Variants in SYCP2 observed in about 807,000 individuals in gnomAD.
SYCP2 encodes synaptonemal complex protein 2, also known as synaptonemal complex lateral element protein.
SYCP2 carries 55 observed loss-of-function variants against 211.3 expected under a neutral mutation model. The ratio of observed to expected loss-of-function variants is 0.26; its 90% confidence interval spans 0.21 to 0.33. The LOEUF is 0.33. SYCP2 is among the 10% of genes least tolerant of loss of function. The pLI is 1.00. For missense variants in SYCP2, 1,731 were observed against 1,752.0 expected (o/e 0.99, Z 0.21); for synonymous variants, 570 against 555.2 (o/e 1.03, Z -0.37).
chr20:59,929,570 A>C (rs373735302), intron 2 of SYCP2, among the ~76,000 whole-genome samples: 4 of 152,178 alleles, frequency 2.6e-5, no homozygotes, highest in African/African-American at 7.2e-5. Flanking sequence ...GAATATAATG[A>C]AGAAGATCTG....
At chr20:59,879,840 T>C (rs867640893) in intron 31 of SYCP2, among the ~76,000 whole-genome samples, 1 of 123,788 alleles carries the variant, frequency 8.1e-6, no homozygotes, top group African/African-American at 3.9e-5. Context: ...TATATATATA[T>C]ATATATATAT....
rs1366507034 is a variant in SYCP2, at chr20:59,895,451, C to G, written c.1651G>C (p.Asp551His). 1 of 1,601,794 alleles carries G rather than the reference C, an allele frequency of 6.2e-7. No individual in the cohort carries two copies. The highest frequency in any genetic ancestry group is 8.5e-7 in the Non-Finnish European group (1 of 1,175,934). ...SRSSEGRHRRDNIDKHIKTAK... is the reference protein window; with the variant it reads ...SRSSEGRHRRHNIDKHIKTAK... ...GGTAAAGTTACTTTGTCTATATTAT[C>G]TCTTCTATGTCTTCCTTCTGATGAT... Residue 551 changes from aspartate to histidine, a missense_variant, in exon 20 of 45, where the codon GAT (aspartate) becomes CAT (histidine). Around this residue, in one of 3 missense-constraint regions of SYCP2, gnomAD observed 1,387 missense variants for 1,351.3 expected, o/e 1.03. Transcript: ENST00000357552.
chr20:59,866,874 T>C (rs2059347842), intron 39 of SYCP2, among the ~76,000 whole-genome samples: 1 of 151,518 alleles, frequency 6.6e-6, no homozygotes, highest in Non-Finnish European at 1.5e-5. Flanking sequence ...TGGTTATAAT[T>C]CTCTTCAAAG....
At chr20:59,902,463 G>C (rs146552237) in intron 15 of SYCP2, among the ~76,000 whole-genome samples, 82 of 152,180 alleles carry the variant, frequency 5.4e-4, no homozygotes, top group African/African-American at 1.9e-3. Context: ...CACCATGCTC[G>C]TGTCCTACTT....
intron 2 of SYCP2, among the ~76,000 whole-genome samples, chr20:59,928,809 T>C (rs2060680880): frequency 6.6e-6 from 1 of 152,126 alleles, no homozygotes; most frequent in African/African-American, 2.4e-5. Context: ...AAATAAGGTC[T>C]AGATAAATTA....
At chr20:59,893,294 T>A (rs1010909178) in intron 21 of SYCP2, 95 bp from the exon 22 acceptor site, 2 of 879,542 alleles carry the variant, frequency 2.3e-6, no homozygotes, top group East Asian at 5.3e-5. Context: ...GGTTCACATA[T>A]TGGGATGAAC....
chr20:59,886,709 G>T lies in SYCP2; in HGVS notation c.2490C>A (p.Asn830Lys), dbSNP rs1341209658. Residue 830 changes from asparagine (N) to lysine (K), a missense_variant and splice_region_variant, in exon 25 of 45, where the codon AAC becomes AAA. This residue lies in a region of SYCP2 where 1,387 missense variants were observed against 1,351.3 expected (regional missense o/e 1.03). Transcript: ENST00000357552. The part of the protein sequence containing the change: ...STRKLKESLI[N>K]SGFSNKPVVQ... ...ATGTCTGAAATTTAAGAACATACCT[G>T]TTAATCAAAGACTCCTTTAATTTTC... 2 of 1,549,882 alleles carry T rather than the reference G, an allele frequency of 1.3e-6. No individual in the cohort carries two copies. Among genetic ancestry groups the T allele is most frequent in the Non-Finnish European group, 1.7e-6 (2 of 1,151,982 alleles).
chr20:59,888,181 C>CA (rs2059834371), intron 24 of SYCP2, among the ~76,000 whole-genome samples: 1 of 151,906 alleles, frequency 6.6e-6, no homozygotes, highest in South Asian at 2.1e-4. Context: ...CCCTTAATAC[C>CA]AAAACCAAAG....
chr20:59,875,254 A>G lies in SYCP2; in HGVS notation c.3349+17T>C. On this transcript the variant is annotated intron_variant, in intron 34 of 44. Coordinates refer to ENST00000357552, the MANE Select transcript of SYCP2 (RefSeq NM_014258.4). ...CTATTGAATATTCAAGTAAAGAAAA[A>G]ACAAAGTTATACTGACATCTCGTTA... is the stretch of plus-strand genomic sequence containing the variant. 1 of 1,532,114 alleles carries G rather than the reference A, an allele frequency of 6.5e-7. No homozygotes were observed. The highest frequency in any genetic ancestry group is 8.8e-7 in the Non-Finnish European group (1 of 1,131,016). 94.9% of individuals were successfully genotyped at this position (1,532,114 alleles called of 1,614,324 possible). A position where few individuals can be genotyped will look rare whatever the true frequency, so the allele number is the denominator to read the frequency against.
At chr20:59,914,281 A>ACAATTATG (rs1442274318) in intron 10 of SYCP2, 30 bp from the exon 11 acceptor site, 1 of 1,362,250 alleles carries the variant, frequency 7.3e-7, no homozygotes, top group Non-Finnish European at 1.0e-6. Flanking sequence ...TGTTTGATTT[A>ACAATTATG]CAATTATGAA....
chr20:59,865,290 C>G, intron 44 of SYCP2, 98 bp downstream of exon 44: 1 of 956,796 alleles, frequency 1.0e-6, no homozygotes, highest in South Asian at 1.6e-5. Flanking sequence ...TCTCTCAACC[C>G]AAAAGAAAAA....
At chr20:59,896,327 C>A (rs2060006658) in intron 19 of SYCP2, 102 bp downstream of exon 19, 1 of 632,210 alleles carries the variant, frequency 1.6e-6, no homozygotes, top group African/African-American at 1.8e-5. Flanking sequence ...TTTTTATACA[C>A]CAAACTTATC....
At chr20:59,882,298 AAGAC>A (rs2059699106) in intron 26 of SYCP2, 133 bp from the exon 27 acceptor site, 2 of 695,220 alleles carry the variant, frequency 2.9e-6, no homozygotes, top group Non-Finnish European at 5.0e-6. Flanking sequence ...TTGTACCAAA[AAGAC>A]AGGCAATAAC....
intron 31 of SYCP2, among the ~76,000 whole-genome samples, chr20:59,878,730 T>TAATA (rs1430990592): frequency 1.3e-5 from 2 of 152,140 alleles, no homozygotes; most frequent in Non-Finnish European, 2.9e-5. Flanking sequence ...ATGTCCTGTA[T>TAATA]AATATCCTAC....
At chr20:59,865,714 T>A in intron 42 of SYCP2, 63 bp from the exon 43 acceptor site, 26 of 1,074,360 alleles carry the variant, frequency 2.4e-5, no homozygotes, top group Non-Finnish European at 3.3e-5. Context: ...AGTGCTATAA[T>A]ATAGTATATA....
chr20:59,886,551 TAA>T (rs1165611177), intron 25 of SYCP2, among the ~76,000 whole-genome samples, 154 bp downstream of exon 25: 2 of 152,042 alleles, frequency 1.3e-5, no homozygotes, highest in African/African-American at 4.8e-5. Context: ...TTGTGTAATT[TAA>T]ACACCTACTA....
At chr20:59,916,917 A>C (rs1481834664) in intron 7 of SYCP2, among the ~76,000 whole-genome samples, 3 of 152,190 alleles carry the variant, frequency 2.0e-5, no homozygotes, top group Non-Finnish European at 4.4e-5. Flanking sequence ...ACCCTGTCTC[A>C]AAAAATAAAA....
chr20:59,877,905 C>A lies in SYCP2; in HGVS notation c.2979+103G>T, dbSNP rs972422611. The A allele has an allele frequency of 7.6e-6, 7 of 925,940 alleles. No individual in the cohort carries two copies. The South Asian group carries it at 9.3e-5, about 12-fold the overall frequency. 57.4% of individuals were successfully genotyped at this position (925,940 alleles called of 1,614,324 possible). Reference sequence around the variant, plus strand: ...AAAGAAGGAAGAGGTACATAAAACACATAACTGATAACAAGGATAAAATTA... The same window carrying A: ...AAAGAAGGAAGAGGTACATAAAACAAATAACTGATAACAAGGATAAAATTA... On this transcript the variant is annotated intron_variant, in intron 32 of 44. Coordinates refer to ENST00000357552, the MANE Select transcript of SYCP2 (RefSeq NM_014258.4).
At position 59,892,384 on chromosome 20, in the gene SYCP2, G is replaced by A; in HGVS notation, c.1970C>T (p.Ser657Phe). ...NKKLTKQKSS[S>F]SISDHNSEGT... ...TTCAGAATTATGATCAGATATTGAA[G>A]AGGATGATTTTTGTTTAGTAAGTTT... Residue 657 changes from serine to phenylalanine, a missense_variant, in exon 24 of 45, where the codon TCT becomes TTT. Coordinates refer to ENST00000357552, the MANE Select transcript of SYCP2 (RefSeq NM_014258.4). 2 of 1,571,100 alleles carry A rather than the reference G, an allele frequency of 1.3e-6. No homozygotes were observed. The highest frequency in any genetic ancestry group is 1.7e-6 in the Non-Finnish European group (2 of 1,154,682).
Sources: allele counts gnomAD v4.1 joint callset (sites outside exome capture counted in the v4.1 genomes callset), GRCh38; gene constraint gnomAD v4.1.1; regional missense constraint gnomAD v4.1.1; transcripts MANE v1.5; gene names NCBI Gene and HGNC (gene_info 2026-07-23, HGNC 2026-07-21).